AKAP19: variants seen among roughly 807,000 people sequenced by gnomAD.
AKAP19 encodes the protein A-kinase anchoring protein 19.
At chr2:190,140,535 C>T in the AKAP19 span, among the ~76,000 whole-genome samples, 2 of 152,194 alleles carry the variant, frequency 1.3e-5, no homozygotes, top group Non-Finnish European at 2.9e-5. Context: ...AGGCTCAACA[C>T]CATGTGGAAG....
the AKAP19 span, among the ~76,000 whole-genome samples, chr2:189,883,751 A>G: frequency 0.1 from 15,282 of 152,084 alleles, 1,685 homozygotes; most frequent in African/African-American, 0.28. Flanking sequence ...TTATTCAGTG[A>G]TATTTATTAT....
the AKAP19 span, among the ~76,000 whole-genome samples, chr2:190,166,644 T>G: frequency 6.6e-6 from 1 of 152,092 alleles, no homozygotes; most frequent in Non-Finnish European, 1.5e-5. Flanking sequence ...GTTATCACAT[T>G]AACAGATCAA....
chr2:190,202,382 G>A, the AKAP19 span: 1 of 166,954 alleles, frequency 6.0e-6, no homozygotes, highest in South Asian at 2.1e-4. Context: ...CATAATCAGT[G>A]AGCTAGTGGA....
the AKAP19 span, among the ~76,000 whole-genome samples, chr2:190,074,116 A>G: frequency 6.6e-6 from 1 of 152,090 alleles, no homozygotes; most frequent in Non-Finnish European, 1.5e-5. Flanking sequence ...GAGCACAGGC[A>G]TTGTGTATTA....
the AKAP19 span, among the ~76,000 whole-genome samples, chr2:190,014,756 C>A: frequency 3.0e-4 from 45 of 152,136 alleles, no homozygotes; most frequent in Non-Finnish European, 5.9e-4. Flanking sequence ...CTAGTCTCAG[C>A]CTCCCTAGTA....
chr2:190,161,101 T>C, the AKAP19 span, among the ~76,000 whole-genome samples: 1 of 152,124 alleles, frequency 6.6e-6, no homozygotes, highest in Non-Finnish European at 1.5e-5. Context: ...CTCTGGATTA[T>C]TAGACATCAT....
At chr2:190,126,843 TTC>T in the AKAP19 span, among the ~76,000 whole-genome samples, 15 of 151,754 alleles carry the variant, frequency 9.9e-5, no homozygotes, top group East Asian at 2.9e-3. Context: ...ACTTGTCAAG[TTC>T]TCTCTCTCTC....
the AKAP19 span, among the ~76,000 whole-genome samples, chr2:189,974,677 G>T: frequency 6.6e-6 from 1 of 152,160 alleles, no homozygotes; most frequent in Non-Finnish European, 1.5e-5. Context: ...CCTGTATTGG[G>T]TGCATGCATA....
chr2:190,184,276 T>C, the AKAP19 span, among the ~76,000 whole-genome samples: 4 of 152,154 alleles, frequency 2.6e-5, no homozygotes, highest in Non-Finnish European at 4.4e-5. Context: ...CTTAGAAATA[T>C]TCTAATTCAG....
the AKAP19 span, among the ~76,000 whole-genome samples, chr2:190,069,136 ATGTGTGTGTGTGTGTGTGTGTG>A: frequency 5.5e-5 from 7 of 127,670 alleles, no homozygotes; most frequent in Non-Finnish European, 9.8e-5. Context: ...GTGCATGCAT[ATGTGTGTGTGTGTGTGTGTGTG>A]TGTGTGTGTG....
the AKAP19 span, among the ~76,000 whole-genome samples, chr2:190,136,738 T>C: frequency 5.9e-5 from 9 of 152,022 alleles, no homozygotes; most frequent in African/African-American, 2.2e-4. Flanking sequence ...CTGTGAGAAA[T>C]AGAGAAATAT....
chr2:189,972,821 C>T, the AKAP19 span, among the ~76,000 whole-genome samples: 1 of 152,076 alleles, frequency 6.6e-6, no homozygotes, highest in Non-Finnish European at 1.5e-5. Context: ...GTGATTTTTG[C>T]ACATTGATTT....
At chr2:190,153,098 T>C in the AKAP19 span, among the ~76,000 whole-genome samples, 1 of 152,172 alleles carries the variant, frequency 6.6e-6, no homozygotes, top group Non-Finnish European at 1.5e-5. Context: ...GGTTTCACCG[T>C]GTTAGCTAGG....
chr2:190,114,643 A>G, the AKAP19 span, among the ~76,000 whole-genome samples: 1 of 152,180 alleles, frequency 6.6e-6, no homozygotes, highest in African/African-American at 2.4e-5. Context: ...CTTTTAGTAG[A>G]GACGGGGTTT....
chr2:190,058,993 T>A, the AKAP19 span, among the ~76,000 whole-genome samples: 2 of 151,656 alleles, frequency 1.3e-5, no homozygotes, highest in African/African-American at 4.8e-5. Context: ...AAAACATGTG[T>A]GTGTGTGTAT....
chr2:190,064,241 G>C, the AKAP19 span, among the ~76,000 whole-genome samples: 1 of 152,052 alleles, frequency 6.6e-6, no homozygotes, highest in Non-Finnish European at 1.5e-5. Context: ...AGGAAAACCA[G>C]ACACAAACCA....
the AKAP19 span, among the ~76,000 whole-genome samples, chr2:189,957,697 C>T: frequency 6.6e-6 from 1 of 152,254 alleles, no homozygotes; most frequent in South Asian, 2.1e-4. Context: ...ATTTTGATAA[C>T]AGCTGTGAAA....
the AKAP19 span, among the ~76,000 whole-genome samples, chr2:189,891,348 C>A: frequency 1.7e-4 from 25 of 150,746 alleles, no homozygotes; most frequent in African/African-American, 5.9e-4. Flanking sequence ...CTCAGCCTCC[C>A]AAGTAGCTGG....
the AKAP19 span, among the ~76,000 whole-genome samples, chr2:190,037,809 G>A: frequency 6.6e-6 from 1 of 152,132 alleles, no homozygotes; most frequent in Non-Finnish European, 1.5e-5. Context: ...CTTTCTTTAC[G>A]TTCTTTAACT....
Sources: gnomAD v4.1 joint callset for allele counts (sites outside exome capture counted in the v4.1 genomes callset) on GRCh38, gnomAD v4.1.1 for gene constraint, MANE v1.5 for transcripts, NCBI Gene and HGNC (gene_info 2026-07-23, HGNC 2026-07-21) for gene names.